SUMF1: variants seen among roughly 807,000 people sequenced by gnomAD.
The protein encoded by SUMF1 is formylglycine-generating enzyme.
Under a neutral mutation model 47.6 loss-of-function variants are expected in SUMF1, and 48 were observed. The ratio of observed to expected loss-of-function variants is 1.01; its 90% confidence interval spans 0.80 to 1.28. The LOEUF is 1.28. Ranked by LOEUF, SUMF1 falls within the 50% of genes most tolerant of loss-of-function variation. SUMF1 has a pLI of 0.00. For missense variants in SUMF1, 571 were observed against 485.4 expected (o/e 1.18, Z -1.66); for synonymous variants, 230 against 192.1 (o/e 1.20, Z -1.63).
intron 9 of SUMF1, among the ~76,000 whole-genome samples, chr3:4,066,322 A>G (rs949380037): frequency 1.3e-5 from 2 of 152,140 alleles, no homozygotes; most frequent in Admixed American, 1.3e-4. Context: ...ATCTTTTTTC[A>G]TGAAAATATG....
chr3:4,039,206 CAA>C (rs796522179), intron 9 of SUMF1, among the ~76,000 whole-genome samples: 1 of 68,370 alleles, frequency 1.5e-5, no homozygotes, highest in Non-Finnish European at 2.7e-5. Context: ...AACATCTATG[CAA>C]ATTTTTTTTT....
At chr3:4,334,684 G>A (rs150806262) in intron 8 of SUMF1, among the ~76,000 whole-genome samples, 1 of 152,204 alleles carries the variant, frequency 6.6e-6, no homozygotes, top group Non-Finnish European at 1.5e-5. Context: ...ACCAAGAGGG[G>A]TGGGTTCCCT....
chr3:4,418,243 G>A, intron 4 of SUMF1, 111 bp from the exon 5 acceptor site: 2 of 1,482,492 alleles, frequency 1.3e-6, no homozygotes, highest in African/African-American at 1.4e-5. Context: ...TGACACTGAG[G>A]TCATCCTGGT....
At chr3:4,420,193 C>A in intron 3 of SUMF1, 47 bp from the exon 4 acceptor site, 1 of 1,477,524 alleles carries the variant, frequency 6.8e-7, no homozygotes, top group Non-Finnish European at 9.5e-7. Flanking sequence ...AACATCAACT[C>A]TAGAAAAATA....
chr3:4,251,844 T>G (rs1011923666), intron 8 of SUMF1, among the ~76,000 whole-genome samples: 2 of 152,216 alleles, frequency 1.3e-5, no homozygotes, highest in East Asian at 3.8e-4. Context: ...GAAGGCTCAG[T>G]TAATTATTAG....
chr3:4,084,986 T>C (rs1023256858), intron 8 of SUMF1, among the ~76,000 whole-genome samples: 1 of 152,082 alleles, frequency 6.6e-6, no homozygotes, highest in African/African-American at 2.4e-5. Context: ...TTACAGTATG[T>C]GTCTTGATTC....
In SUMF1 at chr3:4,252,351, C is replaced by T. The variant is rs201311178; in HGVS notation, c.1014+123979G>A. The stretch of plus-strand genomic sequence containing the variant: ...TGGATTCGCTCCAAATACACACATG[C>T]GCACACACACACACACACACACACA... On this transcript the variant is annotated intron_variant and NMD_transcript_variant, in intron 8 of 12. Transcript: ENST00000448413. Among the ~76,000 whole-genome samples, 50 of 123,640 alleles carry T rather than the reference C, an allele frequency of 4.0e-4. No individual in the cohort carries two copies. In the East Asian group the frequency reaches 8.2e-3, roughly 20 times the overall value. The allele number at this position is 123,640 out of a possible 152,430, so 81.1% of individuals were successfully genotyped here. A position where few individuals can be genotyped will look rare whatever the true frequency, so the allele number is the denominator to read the frequency against.
chr3:4,459,447 G>GA (rs1164445529), intron 1 of SUMF1, among the ~76,000 whole-genome samples: 1 of 152,162 alleles, frequency 6.6e-6, no homozygotes, highest in Non-Finnish European at 1.5e-5. Flanking sequence ...AGAAGCATTA[G>GA]AAAAATAACA....
chr3:4,104,574 C>T (rs776671555), intron 8 of SUMF1, among the ~76,000 whole-genome samples: 4 of 151,846 alleles, frequency 2.6e-5, no homozygotes, highest in Non-Finnish European at 2.9e-5. Context: ...GGTCAGGGTC[C>T]GTATTCTCCG....
intron 8 of SUMF1, among the ~76,000 whole-genome samples, chr3:4,212,182 C>G (rs1825506): frequency 0.6 from 91,821 of 151,950 alleles, 27,926 homozygotes; most frequent in South Asian, 0.7. Context: ...CAGGAGAGCT[C>G]TGGCTGGCAT....
intron 8 of SUMF1, among the ~76,000 whole-genome samples, chr3:4,168,792 G>A (rs1327305845): frequency 6.6e-6 from 1 of 152,158 alleles, no homozygotes; most frequent in African/African-American, 2.4e-5. Flanking sequence ...TGAGATACAT[G>A]TGAAGCACTT....
At chr3:4,392,797 C>T (rs1034998139) in intron 7 of SUMF1, among the ~76,000 whole-genome samples, 11 of 151,750 alleles carry the variant, frequency 7.2e-5, no homozygotes, top group African/African-American at 2.7e-4. Flanking sequence ...GAATCTCATT[C>T]CCCATGGTCT....
intron 7 of SUMF1, among the ~76,000 whole-genome samples, chr3:4,402,049 G>A (rs906332640): frequency 5.9e-5 from 9 of 152,078 alleles, no homozygotes; most frequent in Non-Finnish European, 8.8e-5. Flanking sequence ...AAAGAAGTGC[G>A]CACACACACA....
intron 7 of SUMF1, among the ~76,000 whole-genome samples, chr3:4,405,103 G>A (rs764865949): frequency 2.0e-5 from 3 of 152,148 alleles, no homozygotes; most frequent in Non-Finnish European, 4.4e-5. Flanking sequence ...CAGGGAAGGG[G>A]AACAATCAAG....
chr3:4,458,724 C>T (rs147064162), intron 1 of SUMF1, among the ~76,000 whole-genome samples: 15 of 152,074 alleles, frequency 9.9e-5, no homozygotes, highest in African/African-American at 3.4e-4. Context: ...GCGTTGGTGG[C>T]GGGCGCCTGT....
intron 1 of SUMF1, among the ~76,000 whole-genome samples, chr3:4,462,386 C>T (rs1421636484): frequency 1.3e-5 from 2 of 152,184 alleles, no homozygotes; most frequent in South Asian, 4.1e-4. Flanking sequence ...GCCGACTATG[C>T]AGAAGAGCCA....
At chr3:4,149,728 G>A (rs962688431) in intron 8 of SUMF1, among the ~76,000 whole-genome samples, 4 of 152,134 alleles carry the variant, frequency 2.6e-5, no homozygotes, top group Admixed American at 2.6e-4. Flanking sequence ...TTGCAATTTG[G>A]GGTGAGGAAG....
At chr3:4,363,183 A>T (rs529217764) in intron 8 of SUMF1, among the ~76,000 whole-genome samples, 8 of 152,200 alleles carry the variant, frequency 5.3e-5, no homozygotes, top group Non-Finnish European at 7.3e-5. Flanking sequence ...CTGAAAAAAT[A>T]CTAAGAACAA....
intron 1 of SUMF1, among the ~76,000 whole-genome samples, chr3:4,460,557 C>A (rs954784597): frequency 6.6e-6 from 1 of 151,188 alleles, no homozygotes; most frequent in African/African-American, 2.4e-5. Flanking sequence ...GGAGGCCTTT[C>A]CTGCCTGCAT....
Sources: allele counts gnomAD v4.1 joint callset (sites outside exome capture counted in the v4.1 genomes callset), GRCh38; gene constraint gnomAD v4.1.1; transcripts MANE v1.5; gene names NCBI Gene and HGNC (gene_info 2026-07-23, HGNC 2026-07-21).